TENM3: variants seen among roughly 807,000 people sequenced by gnomAD.
TENM3 encodes teneurin transmembrane protein 3, also known as teneurin-3.
Under a neutral mutation model 255.1 loss-of-function variants are expected in TENM3, and 63 were observed. The ratio of observed to expected loss-of-function variants is 0.25; its 90% CI spans 0.20 to 0.30. The LOEUF is 0.30. TENM3 is among the 10% of genes least tolerant of loss of function. The pLI, the probability that TENM3 is intolerant of heterozygous loss-of-function variation, is 1.00. For missense variants in TENM3, 2,929 were observed against 3,461.1 expected, an observed-to-expected ratio of 0.85 and a Z score of 3.86; for synonymous variants, 1,306 against 1,322.3, an observed-to-expected ratio of 0.99 and a Z score of 0.27.
chr4:181,925,665 C>T, the TENM3 span, among the ~76,000 whole-genome samples: 1 of 152,128 alleles, frequency 6.6e-6, no homozygotes, highest in Non-Finnish European at 1.5e-5. Flanking sequence ...TGGAGTGCAA[C>T]TTTGCCGCCA....
intron 3 of TENM3, among the ~76,000 whole-genome samples, chr4:182,571,446 A>G (rs1300416899): frequency 6.6e-6 from 1 of 152,168 alleles, no homozygotes; most frequent in East Asian, 1.9e-4. Flanking sequence ...GGATGGCTTG[A>G]GCCCAGGAAG....
chr4:181,950,463 T>C, the TENM3 span, among the ~76,000 whole-genome samples: 11 of 152,186 alleles, frequency 7.2e-5, no homozygotes, highest in Admixed American at 1.3e-4. Context: ...TGCTATAGTT[T>C]GCTCCATTGC....
Position 182,793,050 on chromosome 4 carries a change from C to T in TENM3, c.6378C>T (p.Thr2126=). The change falls in exon 26 of 28, where the codon ACC becomes ACT. Residue 2126 remains threonine, a synonymous_variant. Coordinates refer to ENST00000511685, the MANE Select transcript of TENM3 (RefSeq NM_001080477.4). This position sits in a 1 kb window ranked among gnomAD's most constrained non-coding sequence, Gnocchi z 5.7. The stretch of plus-strand genomic sequence containing the variant: ...AAATAGGGCCCTTTGCCAACACCAC[C>T]AAATATGCTTATGAATATGATGTTG... ...EIKIGPFANT[T]KYAYEYDVDG... is the part of the protein sequence containing the mutation. The T allele has an allele frequency of 6.2e-7, 1 of 1,613,880 alleles. No homozygotes were observed. The highest frequency in any genetic ancestry group is 8.5e-7 in the Non-Finnish European group (1 of 1,179,876).
chr4:182,240,261 T>C (rs189908242), upstream of TENM3, among the ~76,000 whole-genome samples: 2 of 152,214 alleles, frequency 1.3e-5, no homozygotes, highest in East Asian at 3.9e-4. Flanking sequence ...CCTGCTTGTG[T>C]TGGGCTTGTC....
the TENM3 span, among the ~76,000 whole-genome samples, chr4:181,744,342 C>A: frequency 6.6e-6 from 1 of 152,096 alleles, no homozygotes; most frequent in Admixed American, 6.6e-5. Flanking sequence ...ATATATATAC[C>A]CAGTAATGGG....
the TENM3 span, among the ~76,000 whole-genome samples, chr4:182,089,776 T>C: frequency 9.4e-3 from 1,429 of 152,362 alleles, 10 homozygotes; most frequent in Middle Eastern, 0.031. Flanking sequence ...ATTAATTGCA[T>C]ATGAGATTCT....
the TENM3 span, among the ~76,000 whole-genome samples, chr4:181,513,737 C>G: frequency 6.6e-6 from 1 of 152,188 alleles, no homozygotes; most frequent in African/African-American, 2.4e-5. Context: ...ACAGCTGAGG[C>G]TTTAACAGTA....
Position 182,600,645 on chromosome 4 carries a change from A to G in TENM3, c.512-279A>G, listed in dbSNP as rs6833629. On this transcript the variant is annotated intron_variant, in intron 3 of 27. Coordinates refer to ENST00000511685, the MANE Select transcript of TENM3 (RefSeq NM_001080477.4). ...TTTCTGTAGGTGTTAATAAAACCAG[A>G]TGAAAAAAAAATCTGAAACAAATTA... is the stretch of plus-strand genomic sequence containing the variant. Among the ~76,000 whole-genome samples, 106,623 of 151,754 alleles carry G rather than the reference A, an allele frequency of 0.7. 39,073 individuals carry two copies. Among genetic ancestry groups the G allele is most frequent in the East Asian group, 0.93 (4,806 of 5,156 alleles).
the TENM3 span, among the ~76,000 whole-genome samples, chr4:182,067,076 C>T: frequency 1.3e-5 from 2 of 152,126 alleles, no homozygotes; most frequent in East Asian, 3.9e-4. Context: ...TCCGAGGGTC[C>T]TTTCTGTCTT....
At chr4:181,746,439 T>TG in the TENM3 span, among the ~76,000 whole-genome samples, 1 of 152,028 alleles carries the variant, frequency 6.6e-6, no homozygotes, top group East Asian at 1.9e-4. Flanking sequence ...GCGAATGGCC[T>TG]GGGGGGTCTG....
At chr4:181,818,333 C>T in the TENM3 span, among the ~76,000 whole-genome samples, 799 of 152,146 alleles carry the variant, frequency 5.3e-3, 11 homozygotes, top group African/African-American at 0.018. Flanking sequence ...AGTTGGAAGG[C>T]GGTGAAAACA....
At chr4:182,263,323 C>T (rs2150174758) in intron 1 of TENM3, among the ~76,000 whole-genome samples, 1 of 152,154 alleles carries the variant, frequency 6.6e-6, no homozygotes, top group Admixed American at 6.5e-5. Context: ...CTTAGGGGAG[C>T]TCCCCATGTC....
chr4:182,601,209 A>G (rs2152412853), intron 4 of TENM3, 48 bp downstream of exon 4: 1 of 1,462,194 alleles, frequency 6.8e-7, no homozygotes, highest in Non-Finnish European at 9.6e-7. Context: ...TTTTCTCACC[A>G]GGAGCAATTT....
rs373509057 is a variant in TENM3, at chr4:182,623,327, A to G, written c.750-5324A>G. ...CACGTCTGACCCTATTTCTTGAGAC[A>G]GAGTCTTACTCTGTCACCAGGCTGG... On this transcript the variant is annotated intron_variant, in intron 4 of 27. Coordinates refer to ENST00000511685, the MANE Select transcript of TENM3 (RefSeq NM_001080477.4). Among the ~76,000 whole-genome samples the G allele has an allele frequency of 2.9e-4, 42 of 145,492 alleles. No homozygotes were observed. In the East Asian group the frequency reaches 5.7e-3, roughly 20 times the overall value.
chr4:181,559,764 C>T, the TENM3 span, among the ~76,000 whole-genome samples: 1 of 152,166 alleles, frequency 6.6e-6, no homozygotes, highest in Non-Finnish European at 1.5e-5. Flanking sequence ...ATTTTGTTTG[C>T]CTAGGAGGCT....
the TENM3 span, among the ~76,000 whole-genome samples, chr4:181,494,947 T>G: frequency 6.6e-6 from 1 of 152,208 alleles, no homozygotes; most frequent in African/African-American, 2.4e-5. Flanking sequence ...CCCACCTACT[T>G]CATCTTGTTC....
the TENM3 span, among the ~76,000 whole-genome samples, chr4:182,110,405 A>G: frequency 6.6e-6 from 1 of 150,714 alleles, no homozygotes; most frequent in African/African-American, 2.4e-5. Flanking sequence ...GCTCACTGCA[A>G]CCTCCACTTC....
At chr4:182,161,875 A>ATATATACACACATATGTG (rs1561154118) in intron 1 of TENM3, among the ~76,000 whole-genome samples, 4 of 8,364 alleles carry the variant, frequency 4.8e-4, no homozygotes, top group Admixed American at 3.1e-3. Context: ...ATATATGTGT[A>ATATATACACACATATGTG]TATATATACA....
At position 182,792,956 on chromosome 4, in the gene TENM3, T is replaced by G; in HGVS notation, c.6284T>G (p.Phe2095Cys). The G allele has an allele frequency of 6.2e-7, 1 of 1,613,818 alleles. No homozygotes were observed. Among genetic ancestry groups the G allele is most frequent in the Non-Finnish European group, 8.5e-7 (1 of 1,179,792 alleles). Residue 2095 changes from phenylalanine (F) to cysteine (C), a missense_variant, in exon 26 of 28, where the codon TTC becomes TGC. Phe to Cys is a radical substitution (Grantham distance 205, BLOSUM62 -2). Around this residue, in one of 6 missense-constraint regions of TENM3, gnomAD observed 256 missense variants for 389.3 expected, o/e 0.66. Coordinates refer to ENST00000511685, the MANE Select transcript of TENM3 (RefSeq NM_001080477.4). This position sits in a 1 kb window ranked among gnomAD's most constrained non-coding sequence, Gnocchi z 6.3. Reference protein sequence around the residue: ...GRIKEIQYEIFRSLMYWITIQ... With the variant: ...GRIKEIQYEICRSLMYWITIQ... ...ATCAAGGAGATTCAATATGAGATAT[T>G]CAGGTCGCTCATGTACTGGATTACA... is the stretch of plus-strand genomic sequence containing the variant.
Sources: allele counts gnomAD v4.1 joint callset (sites outside exome capture counted in the v4.1 genomes callset), GRCh38; gene constraint gnomAD v4.1.1; regional missense constraint gnomAD v4.1.1; non-coding constraint Gnocchi (gnomAD v3.1); transcripts MANE v1.5; gene names NCBI Gene and HGNC (gene_info 2026-07-23, HGNC 2026-07-21).